The following CCDC88B variants were observed in gnomAD, a reference collection of about 807,000 sequenced individuals.
CCDC88B encodes the protein coiled-coil and HOOK domain protein 88B.
Under a neutral mutation model 183.7 loss-of-function variants are expected in CCDC88B, and 138 were observed. That is an observed-to-expected ratio of 0.75 (90% CI 0.65 to 0.87). CCDC88B has a LOEUF of 0.87. Ranked by LOEUF, CCDC88B falls within the 40% of genes least tolerant of loss-of-function variation. CCDC88B has a pLI of 0.00. For synonymous variants in CCDC88B, 835 were observed against 867.5 expected (o/e 0.96, Z 0.66); for missense variants, 1,822 against 1,965.6 (o/e 0.93, Z 1.38).
Position 64,342,574 on chromosome 11 carries a change from C to A in CCDC88B, c.956C>A (p.Ala319Glu), listed in dbSNP as rs941699093. The stretch of plus-strand genomic sequence containing the variant: ...CGGGCCGAGCTGTACCGCGAGGAGG[C>A]AGAGGCGCTGCGGGAGCGGGCCGGC... ...AKRAELYREEAEALRERAGRL... is the reference protein window; with the variant it reads ...AKRAELYREEEEALRERAGRL... The change falls in exon 10 of 27, where the codon GCA (alanine) becomes GAA (glutamate). Residue 319 changes from alanine (A) to glutamate (E), a missense_variant. Ala to Glu is a moderately radical substitution (Grantham distance 107, BLOSUM62 -1). Transcript: ENST00000356786. 10 of 1,531,386 alleles carry A rather than the reference C, an allele frequency of 6.5e-6. No individual in the cohort carries two copies. The African/African-American group carries it at 8.2e-5, about 13-fold the overall frequency. 94.9% of individuals were successfully genotyped at this position (1,531,386 alleles called of 1,614,324 possible). A position where few individuals can be genotyped will look rare whatever the true frequency, so the allele number is the denominator to read the frequency against.
In CCDC88B at chr11:64,357,287, G is replaced by C. The variant is rs765015997; in HGVS notation, c.*193G>C. 2.9e-5 allele frequency: 22 copies of C among 753,542 alleles called. No homozygotes were observed. The highest frequency in any genetic ancestry group is 1.2e-4 in the South Asian group (8 of 68,860). The allele number at this position is 753,542 out of a possible 1,614,324, so 46.7% of individuals were successfully genotyped here. ...GGAGCTGGGACGAGTGTGTGGACAGGGGGGATGGCTGGCCCCCACGAGCAG... is the reference window on the plus strand; with the variant it reads ...GGAGCTGGGACGAGTGTGTGGACAGCGGGGATGGCTGGCCCCCACGAGCAG... On this transcript the variant is annotated 3_prime_UTR_variant, in exon 27 of 27. Coordinates refer to ENST00000356786, the MANE Select transcript of CCDC88B (RefSeq NM_032251.6).
At chr11:64,350,005 T>C (rs1180949746) in intron 16 of CCDC88B, 1 of 305,292 alleles carries the variant, frequency 3.3e-6, no homozygotes. Context: ...CCAGGCTGTG[T>C]GCGGGCTCCA....
intron 2 of CCDC88B, 36 bp downstream of exon 2, chr11:64,340,788 G>T: frequency 6.3e-7 from 1 of 1,577,148 alleles, no homozygotes; most frequent in Non-Finnish European, 8.6e-7. Context: ...GGCGGGGAAG[G>T]ATCTGAGAGG....
rs1199356491 is a variant in CCDC88B, at chr11:64,343,559, A to T, written c.1262A>T (p.Glu421Val). The stretch of plus-strand genomic sequence containing the variant: ...GACCAGCTGGCTGAGGAGAATGTGG[A>T]GCTGGAGCTGGAGCTTCAGCGGAGC... ...QVDQLAEENV[E>V]LELELQRSLE... Residue 421 changes from glutamate to valine, a missense_variant, in exon 12 of 27, where the codon GAG becomes GTG. Transcript: ENST00000356786. The T allele has an allele frequency of 1.9e-6, 3 of 1,551,824 alleles. No homozygotes were observed. Among genetic ancestry groups the T allele is most frequent in the Non-Finnish European group, 2.6e-6 (3 of 1,147,074 alleles).
chr11:64,340,839 G>A, intron 2 of CCDC88B, 68 bp from the exon 3 acceptor site: 1 of 1,539,542 alleles, frequency 6.5e-7, no homozygotes, highest in Non-Finnish European at 8.7e-7. Context: ...CAGTGGGCGG[G>A]GCCTGAGGGA....
rs758262254 is a variant in CCDC88B at position 64,344,105 on chromosome 11, G to A, written c.1564G>A (p.Ala522Thr). Residue 522 changes from alanine to threonine, a missense_variant, in exon 14 of 27, where the codon GCA becomes ACA. Physicochemically the swap from Ala to Thr is moderately conservative, Grantham distance 58. Coordinates refer to ENST00000356786, the MANE Select transcript of CCDC88B (RefSeq NM_032251.6). The surrounding 1 kb of genome is among the most constrained non-coding windows in gnomAD (Gnocchi z 4.5). ...DHSPQGLVQK[A>T]RDGGPQALDL... Reference sequence around the variant, plus strand: ...CAGCCCTCAGGGCTTGGTTCAGAAGGCAAGGGATGGAGGCCCCCAGGCCTT... The same window carrying A: ...CAGCCCTCAGGGCTTGGTTCAGAAGACAAGGGATGGAGGCCCCCAGGCCTT... 1.2e-6 allele frequency: 2 copies of A among 1,613,254 alleles called. No homozygotes were observed. The highest frequency in any genetic ancestry group is 8.5e-7 in the Non-Finnish European group (1 of 1,179,844).
In CCDC88B at chr11:64,344,423, G is replaced by A. The variant is rs1324798826; in HGVS notation, c.1882G>A (p.Glu628Lys). ...GCTGGGAGGAGAGACAGAGGGAAGA[G>A]AGGCTCCCCAAGGCGAGTTGGTGCC... Reference protein sequence around the residue: ...QLLGGETEGREAPQGELVPEA... With the variant: ...QLLGGETEGRKAPQGELVPEA... The change falls in exon 14 of 27, where the codon GAG becomes AAG. Residue 628 changes from glutamate (E) to lysine (K), a missense_variant. By Grantham distance (56) the Glu-to-Lys change is moderately conservative (BLOSUM62 1). Transcript: ENST00000356786. This position sits in a 1 kb window ranked among gnomAD's most constrained non-coding sequence, Gnocchi z 4.5. 1 of 1,592,180 alleles carries A rather than the reference G, an allele frequency of 6.3e-7. No homozygotes were observed. Among genetic ancestry groups the A allele is most frequent in the South Asian group, 1.1e-5 (1 of 88,624 alleles).
chr11:64,342,567 G>T lies in CCDC88B; in HGVS notation c.949G>T (p.Glu317Ter). Residue 317 changes from glutamate (E) to a stop codon, truncating the protein, a stop_gained, in exon 10 of 27, where the codon GAG (glutamate) becomes TAG (stop). Coordinates refer to ENST00000356786, the MANE Select transcript of CCDC88B (RefSeq NM_032251.6). LOFTEE classifies it high-confidence loss of function. ...GGCCAAGCGGGCCGAGCTGTACCGC[G>T]AGGAGGCAGAGGCGCTGCGGGAGCG... Reference protein sequence around the residue: ...GQAKRAELYREEAEALRERAG... With the variant: ...GQAKRAELYR 2 of 1,531,590 alleles carry T rather than the reference G, an allele frequency of 1.3e-6. No individual in the cohort carries two copies. Among genetic ancestry groups the T allele is most frequent in the Non-Finnish European group, 1.7e-6 (2 of 1,145,364 alleles). The allele number at this position is 1,531,590 out of a possible 1,614,324, so 94.9% of individuals were successfully genotyped here.
chr11:64,349,202 C>G, intron 14 of CCDC88B, 129 bp from the exon 15 acceptor site: 1 of 1,107,964 alleles, frequency 9.0e-7, no homozygotes, highest in Non-Finnish European at 1.3e-6. Flanking sequence ...GGAAGTAGAG[C>G]CCAAAGGCTT....
rs776437027 is a variant in CCDC88B, at chr11:64,357,457, G to A, written c.*363G>A. The A allele has an allele frequency of 4.2e-6, 3 of 716,984 alleles. No individual in the cohort carries two copies. The highest frequency in any genetic ancestry group is 3.0e-5 in the South Asian group (2 of 67,590). The allele number at this position is 716,984 out of a possible 1,614,324, so 44.4% of individuals were successfully genotyped here. A position where few individuals can be genotyped will look rare whatever the true frequency, so the allele number is the denominator to read the frequency against. On this transcript the variant is annotated 3_prime_UTR_variant, in exon 27 of 27. Coordinates refer to ENST00000356786, the MANE Select transcript of CCDC88B (RefSeq NM_032251.6). The stretch of plus-strand genomic sequence containing the variant: ...TGGGAAGCTGAGTCCCAGTGCTGGG[G>A]GACTGTGGCCTGGGCTGATCTTGAG...
chr11:64,342,806 G>A, intron 10 of CCDC88B, 126 bp downstream of exon 10: 1 of 1,187,034 alleles, frequency 8.4e-7, no homozygotes, highest in Non-Finnish European at 1.1e-6. Flanking sequence ...GTGGAGAAAT[G>A]GGTGAGGACA....
Position 64,357,531 on chromosome 11 carries a change from C to T in CCDC88B, c.*437C>T. On this transcript the variant is annotated 3_prime_UTR_variant, in exon 27 of 27. Coordinates refer to ENST00000356786, the MANE Select transcript of CCDC88B (RefSeq NM_032251.6). Reference sequence around the variant, plus strand: ...GAGAATAAAGCTGAACTGCAGCCTCCTGAGTCTTGCTCTGTCTGTTGGCCG... The same window carrying T: ...GAGAATAAAGCTGAACTGCAGCCTCTTGAGTCTTGCTCTGTCTGTTGGCCG... 1 of 672,498 alleles carries T rather than the reference C, an allele frequency of 1.5e-6. No individual in the cohort carries two copies. The allele number at this position is 672,498 out of a possible 1,614,324, so 41.7% of individuals were successfully genotyped here.
At chr11:64,351,807 C>T (rs1035247580) in intron 18 of CCDC88B, among the ~76,000 whole-genome samples, 191 bp downstream of exon 18, 3 of 151,366 alleles carry the variant, frequency 2.0e-5, no homozygotes, top group Non-Finnish European at 3.0e-5. Flanking sequence ...CTCCTCCTAC[C>T]TGCCGCCAGC....
rs141405442 is a variant in CCDC88B, at chr11:64,343,522, C to A, written c.1225C>A (p.Arg409=). Residue 409 remains arginine, a synonymous_variant, in exon 12 of 27, where the codon CGG becomes AGG. Coordinates refer to ENST00000356786, the MANE Select transcript of CCDC88B (RefSeq NM_032251.6). ...TCACCCCCAGGAGCTGGACTCTCTGCGGCATCAGGTGGACCAGCTGGCTGA... is the reference window on the plus strand; with the variant it reads ...TCACCCCCAGGAGCTGGACTCTCTGAGGCATCAGGTGGACCAGCTGGCTGA... ...GEAHAELDSL[R]HQVDQLAEEN... 4 of 1,551,670 alleles carry A rather than the reference C, an allele frequency of 2.6e-6. No homozygotes were observed. The highest frequency in any genetic ancestry group is 2.6e-6 in the Non-Finnish European group (3 of 1,147,026).
rs373800188 is a variant in CCDC88B at position 64,355,361 on chromosome 11, C to A, written c.4267C>A (p.His1423Asn). The A allele has an allele frequency of 4.4e-6, 7 of 1,591,270 alleles. No homozygotes were observed. The African/African-American group carries it at 5.4e-5, about 12-fold the overall frequency. ...DTPRQRFRQR[H>N]PGPLGAPVSH... ...CCCTAGGCAACGATTCCGACAGCGC[C>A]ATCCAGGCCCCCTGGGGGCGCCCGT... The change falls in exon 25 of 27, where the codon CAT becomes AAT. Residue 1423 changes from histidine to asparagine, a missense_variant. Physicochemically the swap from His to Asn is moderately conservative, Grantham distance 68 (BLOSUM62 1). Transcript: ENST00000356786.
At chr11:64,348,222 G>A (rs1322337995) in intron 14 of CCDC88B, among the ~76,000 whole-genome samples, 3 of 151,688 alleles carry the variant, frequency 2.0e-5, no homozygotes, top group Admixed American at 1.3e-4. Context: ...TGGAAGAGCC[G>A]GCTCCAAGGA....
intron 11 of CCDC88B, 63 bp from the exon 12 acceptor site, chr11:64,343,444 C>T: frequency 6.5e-7 from 1 of 1,541,038 alleles, no homozygotes; most frequent in Non-Finnish European, 8.8e-7. Flanking sequence ...AGTGACCCTC[C>T]GACCTACACA....
At chr11:64,353,550 T>C (rs918264193) in intron 22 of CCDC88B, 54 bp downstream of exon 22, 5 of 1,591,250 alleles carry the variant, frequency 3.1e-6, no homozygotes, top group Non-Finnish European at 4.3e-6. Flanking sequence ...TGGGCGTTCC[T>C]GGGGAGAGCC....
At position 64,353,790 on chromosome 11, in the gene CCDC88B, G is replaced by A; in HGVS notation, c.3909G>A (p.Glu1303=). The A allele has an allele frequency of 1.2e-6, 2 of 1,614,066 alleles. No homozygotes were observed. The highest frequency in any genetic ancestry group is 1.7e-6 in the Non-Finnish European group (2 of 1,179,974). ...TCATGGACCAATACCGCGTGCTGGAGCCTGTGCCCCTGCCCCGGACCAAGT... is the reference window on the plus strand; with the variant it reads ...TCATGGACCAATACCGCGTGCTGGAACCTGTGCCCCTGCCCCGGACCAAGT... ...EKIMDQYRVL[E]PVPLPRTKKG... The change falls in exon 23 of 27, where the codon GAG becomes GAA. Residue 1303 remains glutamate (E), a synonymous_variant. Transcript: ENST00000356786.
Sources: gnomAD v4.1 joint callset for allele counts (sites outside exome capture counted in the v4.1 genomes callset) on GRCh38, gnomAD v4.1.1 for gene constraint, Gnocchi (gnomAD v3.1) non-coding constraint, MANE v1.5 for transcripts, NCBI Gene and HGNC (gene_info 2026-07-23, HGNC 2026-07-21) for gene names.